RNF216: variants seen among roughly 807,000 people sequenced by gnomAD.
RNF216 encodes the protein ring finger protein 216, also known as E3 ubiquitin-protein ligase RNF216.
RNF216 carries 72 observed loss-of-function variants against 110.8 expected under a neutral mutation model. The ratio of observed to expected loss-of-function variants is 0.65; its 90% CI spans 0.54 to 0.79. The LOEUF is 0.79. RNF216 is among the 30% of genes least tolerant of loss of function. The pLI, the probability that RNF216 is intolerant of heterozygous loss-of-function variation, is 0.00. For synonymous variants in RNF216, 495 were observed against 407.5 expected, an observed-to-expected ratio of 1.21 and a Z score of -2.59; for missense variants, 1,342 against 1,141.2, an observed-to-expected ratio of 1.18 and a Z score of -2.54.
chr7:5,766,649 T>A (rs1010386018), intron 1 of RNF216, among the ~76,000 whole-genome samples: 1 of 152,162 alleles, frequency 6.6e-6, no homozygotes, highest in African/African-American at 2.4e-5. Context: ...TGTGAGAAAA[T>A]AAATTTGTTT....
At position 5,620,696 on chromosome 7, in the gene RNF216, G is replaced by A. The variant is rs1786299328; in HGVS notation, c.*2164C>T. Reference sequence around the variant, plus strand: ...CCACCCCTGGGGTTTGGCCTTAGGAGAAACATCACTCTGGGCTCCCCCTCC... The same window carrying A: ...CCACCCCTGGGGTTTGGCCTTAGGAAAAACATCACTCTGGGCTCCCCCTCC... On this transcript the variant is annotated 3_prime_UTR_variant, in exon 17 of 17. Transcript: ENST00000389902. 6.6e-6 allele frequency: 1 copy of A among 152,352 alleles called. No homozygotes were observed. The highest frequency in any genetic ancestry group is 6.5e-5 in the Admixed American group (1 of 15,276). The allele number at this position is 152,352 out of a possible 1,614,324, so 9.4% of individuals were successfully genotyped here. A position where few individuals can be genotyped will look rare whatever the true frequency, so the allele number is the denominator to read the frequency against.
At chr7:5,728,487 T>C (rs1392499939) in intron 7 of RNF216, among the ~76,000 whole-genome samples, 1 of 151,824 alleles carries the variant, frequency 6.6e-6, no homozygotes, top group Non-Finnish European at 1.5e-5. Flanking sequence ...GACAGAAGAA[T>C]TGCTTGAACT....
intron 13 of RNF216, among the ~76,000 whole-genome samples, chr7:5,658,628 G>A (rs1562797569): frequency 2.1e-5 from 3 of 144,306 alleles, no homozygotes; most frequent in Admixed American, 7.1e-5. Context: ...CTGCACTCCA[G>A]TCTGGGTGAC....
intron 13 of RNF216, among the ~76,000 whole-genome samples, chr7:5,689,511 A>C (rs1791196072): frequency 6.6e-6 from 1 of 152,138 alleles, no homozygotes; most frequent in South Asian, 2.1e-4. Context: ...AAAAAAAAAC[A>C]AAAAACAAAA....
intron 13 of RNF216, among the ~76,000 whole-genome samples, chr7:5,709,027 C>T (rs1318852363): frequency 6.6e-6 from 1 of 152,186 alleles, no homozygotes; most frequent in Non-Finnish European, 1.5e-5. Context: ...AGTGCTTCAT[C>T]GAGTGAGACA....
intron 13 of RNF216, among the ~76,000 whole-genome samples, chr7:5,654,605 T>C (rs1203801875): frequency 6.8e-6 from 1 of 147,032 alleles, no homozygotes; most frequent in Non-Finnish European, 1.5e-5. Context: ...GAGAATCACT[T>C]GAACCTGGCA....
intron 5 of RNF216, among the ~76,000 whole-genome samples, chr7:5,736,825 G>C (rs1472386764): frequency 6.6e-6 from 1 of 151,920 alleles, no homozygotes; most frequent in Non-Finnish European, 1.5e-5. Flanking sequence ...TCTGAGAAGT[G>C]AGGAGCCCCT....
intron 13 of RNF216, among the ~76,000 whole-genome samples, chr7:5,708,027 AGT>A (rs1792413720): frequency 6.6e-6 from 1 of 152,082 alleles, no homozygotes; most frequent in African/African-American, 2.4e-5. Context: ...ATGCCCGGAC[AGT>A]GTGTTTAGTT....
At chr7:5,776,196 C>T (rs1584629158) in intron 1 of RNF216, among the ~76,000 whole-genome samples, 3 of 152,178 alleles carry the variant, frequency 2.0e-5, no homozygotes. Context: ...ATTGGTTATG[C>T]ATCATCGGGA....
At chr7:5,730,916 C>T (rs1407123579) in intron 5 of RNF216, 99 bp from the exon 6 acceptor site, 2 of 1,501,896 alleles carry the variant, frequency 1.3e-6, no homozygotes, top group East Asian at 4.8e-5. Flanking sequence ...CTTAGTCACA[C>T]ATTACAACTG....
At chr7:5,656,538 C>T (rs1439142662) in intron 13 of RNF216, among the ~76,000 whole-genome samples, 1 of 152,134 alleles carries the variant, frequency 6.6e-6, no homozygotes, top group Non-Finnish European at 1.5e-5. Context: ...ATACAGTAAG[C>T]AGGCAAGCAG....
At chr7:5,771,263 T>A (rs1459986035) in intron 1 of RNF216, among the ~76,000 whole-genome samples, 1 of 152,144 alleles carries the variant, frequency 6.6e-6, no homozygotes, top group Non-Finnish European at 1.5e-5. Flanking sequence ...AAAAACAATT[T>A]TAGATAACTA....
At chr7:5,745,682 T>C (rs142247709) in intron 3 of RNF216, among the ~76,000 whole-genome samples, 376 of 151,948 alleles carry the variant, frequency 2.5e-3, no homozygotes, top group African/African-American at 8.4e-3. Flanking sequence ...GGTGGATAAC[T>C]TGAGGTCAAG....
intron 13 of RNF216, among the ~76,000 whole-genome samples, chr7:5,655,506 T>C (rs1179915566): frequency 2.0e-5 from 3 of 152,128 alleles, no homozygotes; most frequent in East Asian, 3.9e-4. Flanking sequence ...CCTGTGAGGC[T>C]GAGGCAGGAG....
chr7:5,752,558 A>T (rs1179860063), intron 3 of RNF216, among the ~76,000 whole-genome samples: 1 of 152,252 alleles, frequency 6.6e-6, no homozygotes, highest in Non-Finnish European at 1.5e-5. Flanking sequence ...TAATATGGAA[A>T]ATATAAGGCC....
At chr7:5,689,850 G>C (rs755279840) in intron 13 of RNF216, among the ~76,000 whole-genome samples, 6 of 151,440 alleles carry the variant, frequency 4.0e-5, no homozygotes, top group Non-Finnish European at 5.9e-5. Context: ...TGAGGCAGGA[G>C]AATCACTTGA....
Position 5,721,057 on chromosome 7 carries a change from C to T in RNF216, c.1620G>A (p.Glu540=). The change falls in exon 9 of 17, where the codon GAG becomes GAA. Residue 540 remains glutamate, a synonymous_variant. Coordinates refer to ENST00000389902, the MANE Select transcript of RNF216 (RefSeq NM_207111.4). Reference sequence around the variant, plus strand: ...CCTCTGCCATCTCTTTGATTTTCTGCTCATAGAACTCCTGCTCTTGTTGCA... The same window carrying T: ...CCTCTGCCATCTCTTTGATTTTCTGTTCATAGAACTCCTGCTCTTGTTGCA... The part of the protein sequence containing the change: ...PAVQQEQEFY[E]QKIKEMAEHE... The T allele has an allele frequency of 2.5e-6, 4 of 1,614,220 alleles. No homozygotes were observed. Among genetic ancestry groups the T allele is most frequent in the Non-Finnish European group, 3.4e-6 (4 of 1,180,034 alleles).
In RNF216 at chr7:5,696,167, C is replaced by T. The variant is rs770400291; in HGVS notation, c.2061+15594G>A. Among the ~76,000 whole-genome samples, 5 of 152,126 alleles carry T rather than the reference C, an allele frequency of 3.3e-5. No individual in the cohort carries two copies. The highest frequency in any genetic ancestry group is 9.7e-5 in the African/African-American group (4 of 41,414). On this transcript the variant is annotated intron_variant, in intron 13 of 16. Coordinates refer to ENST00000389902, the MANE Select transcript of RNF216 (RefSeq NM_207111.4). This position sits in a 1 kb window ranked among gnomAD's most constrained non-coding sequence, Gnocchi z 5.4. ...CTGACATCCACAGTCCATGTGGTGA[C>T]GAAGAGCAGTTGGTACCGCATGGCT...
At chr7:5,711,610 A>G (rs191045505) in intron 13 of RNF216, 151 bp downstream of exon 13, 1 of 664,390 alleles carries the variant, frequency 1.5e-6, no homozygotes, top group Middle Eastern at 4.0e-4. Flanking sequence ...CGTTACTCAC[A>G]AAGTACTCGT....
Sources: gnomAD v4.1 joint callset for allele counts (sites outside exome capture counted in the v4.1 genomes callset) on GRCh38, gnomAD v4.1.1 for gene constraint, Gnocchi (gnomAD v3.1) non-coding constraint, MANE v1.5 for transcripts, NCBI Gene and HGNC (gene_info 2026-07-23, HGNC 2026-07-21) for gene names.